Variants in VTI1A observed in about 807,000 individuals in gnomAD.
VTI1A encodes vesicle transport through interaction with t-SNAREs 1A.
Under a neutral mutation model 34.9 loss-of-function variants are expected in VTI1A, and 22 were observed. The observed-to-expected ratio is 0.63, with a 90% CI of 0.45 to 0.90. The LOEUF is 0.90. VTI1A is among the 40% of genes least tolerant of loss of function. The pLI is 0.00. For missense variants in VTI1A, 268 were observed against 275.6 expected (o/e 0.97, Z 0.20); for synonymous variants, 87 against 97.3 (o/e 0.89, Z 0.62).
intron 3 of VTI1A, among the ~76,000 whole-genome samples, chr10:112,490,134 G>T (rs1297756178): frequency 6.6e-6 from 1 of 151,998 alleles, no homozygotes; most frequent in Non-Finnish European, 1.5e-5. Flanking sequence ...AATGCCACTT[G>T]TTCCTGGAAA....
chr10:112,839,671 G>A, the VTI1A span, among the ~76,000 whole-genome samples: 1 of 152,128 alleles, frequency 6.6e-6, no homozygotes, highest in South Asian at 2.1e-4. Flanking sequence ...CTGCTGGTGG[G>A]CAGCCCAGGA....
chr10:112,638,056 T>TA (rs1332092755), intron 5 of VTI1A, among the ~76,000 whole-genome samples: 7 of 152,260 alleles, frequency 4.6e-5, no homozygotes, highest in Non-Finnish European at 1.0e-4. Flanking sequence ...CCTTCATTGT[T>TA]AAAATCAGAA....
At chr10:112,587,948 G>A (rs773068285) in intron 5 of VTI1A, among the ~76,000 whole-genome samples, 55 of 151,230 alleles carry the variant, frequency 3.6e-4, no homozygotes, top group Non-Finnish European at 6.9e-4. Flanking sequence ...ATGCTTTGTT[G>A]GTTTTAGTAA....
intron 7 of VTI1A, among the ~76,000 whole-genome samples, chr10:112,727,979 C>T (rs1048136428): frequency 2.0e-5 from 3 of 152,150 alleles, no homozygotes; most frequent in African/African-American, 7.2e-5. Context: ...CTCACAGCCC[C>T]TCTTCACCAC....
At chr10:112,453,954 A>T (rs1055370397) in intron 1 of VTI1A, among the ~76,000 whole-genome samples, 1 of 152,210 alleles carries the variant, frequency 6.6e-6, no homozygotes, top group Admixed American at 6.5e-5. Context: ...ATATGTAATC[A>T]TTTGTATATA....
chr10:112,604,740 A>G (rs1387628543), intron 5 of VTI1A, among the ~76,000 whole-genome samples: 1 of 152,228 alleles, frequency 6.6e-6, no homozygotes, highest in African/African-American at 2.4e-5. Context: ...GAAGAGATAT[A>G]AAACATTACA....
intron 6 of VTI1A, 49 bp downstream of exon 6, chr10:112,668,337 TAAATG>T: frequency 2.5e-6 from 4 of 1,575,050 alleles, no homozygotes; most frequent in Non-Finnish European, 3.5e-6. Flanking sequence ...AATGAAGACA[TAAATG>T]AAAGGCATTG....
At chr10:112,582,219 CT>C (rs1324331981) in intron 5 of VTI1A, among the ~76,000 whole-genome samples, 1 of 152,148 alleles carries the variant, frequency 6.6e-6, no homozygotes, top group Non-Finnish European at 1.5e-5. Flanking sequence ...GAAGGACACT[CT>C]CTCCTGTCTC....
intron 5 of VTI1A, among the ~76,000 whole-genome samples, chr10:112,561,249 G>A (rs1191578186): frequency 1.3e-5 from 2 of 152,072 alleles, no homozygotes; most frequent in Non-Finnish European, 1.5e-5. Flanking sequence ...TTTGCTGCAT[G>A]CTTTAGTTAT....
rs115748620 is a variant in VTI1A at position 112,560,355 on chromosome 10, C to T, written c.427+22025C>T. 5.7e-3 allele frequency among the ~76,000 whole-genome samples: 861 copies of T among 152,170 alleles called. 11 individuals carry two copies. Among genetic ancestry groups the T allele is most frequent in the African/African-American group, 0.02 (811 of 41,506 alleles). On this transcript the variant is annotated intron_variant, in intron 5 of 7. Coordinates refer to ENST00000393077, the MANE Select transcript of VTI1A (RefSeq NM_145206.4). ...TGAAAGGAACTTGGCTAAGCTCCTT[C>T]TCATGGTTTAGGTTTCTAGTTTAAT... is the stretch of plus-strand genomic sequence containing the variant.
chr10:112,679,523 A>G (rs1848146145), intron 7 of VTI1A, among the ~76,000 whole-genome samples: 1 of 151,948 alleles, frequency 6.6e-6, no homozygotes, highest in African/African-American at 2.4e-5. Flanking sequence ...GTGTTCTTTT[A>G]AAAAGGCTAA....
intron 7 of VTI1A, among the ~76,000 whole-genome samples, chr10:112,702,045 T>TG (rs766277115): frequency 6.6e-6 from 1 of 152,166 alleles, no homozygotes; most frequent in Non-Finnish European, 1.5e-5. Flanking sequence ...ACGAAGTCCA[T>TG]GAGTCAGGAC....
At chr10:112,797,489 G>A (rs1396368839) in intron 7 of VTI1A, among the ~76,000 whole-genome samples, 1 of 152,154 alleles carries the variant, frequency 6.6e-6, no homozygotes, top group Non-Finnish European at 1.5e-5. Flanking sequence ...GAGCCCAGGG[G>A]CCCCGAGTCC....
intron 5 of VTI1A, among the ~76,000 whole-genome samples, chr10:112,564,703 A>T (rs2134342848): frequency 6.6e-6 from 1 of 152,204 alleles, no homozygotes; most frequent in South Asian, 2.1e-4. Context: ...AGAAAAGTTG[A>T]GAGTATATAA....
At chr10:112,620,144 C>T (rs1472226093) in intron 5 of VTI1A, among the ~76,000 whole-genome samples, 1 of 152,170 alleles carries the variant, frequency 6.6e-6, no homozygotes, top group Non-Finnish European at 1.5e-5. Flanking sequence ...GTTCCTTTCA[C>T]TTAATTATTA....
intron 5 of VTI1A, among the ~76,000 whole-genome samples, chr10:112,624,981 C>G (rs1354291670): frequency 1.3e-5 from 2 of 152,072 alleles, no homozygotes; most frequent in African/African-American, 2.4e-5. Flanking sequence ...ACCTATAGTC[C>G]TAGCTACTCA....
At chr10:112,766,938 T>C (rs1296711669) in intron 7 of VTI1A, among the ~76,000 whole-genome samples, 1 of 152,250 alleles carries the variant, frequency 6.6e-6, no homozygotes, top group Non-Finnish European at 1.5e-5. Flanking sequence ...GTGCCAATTG[T>C]GGTTTAGTGA....
chr10:112,712,319 C>T (rs1849446223), intron 7 of VTI1A, among the ~76,000 whole-genome samples: 1 of 152,086 alleles, frequency 6.6e-6, no homozygotes, highest in South Asian at 2.1e-4. Context: ...CATGTATTTT[C>T]AGTAAAAGCT....
At chr10:112,710,922 T>C (rs1849390115) in intron 7 of VTI1A, among the ~76,000 whole-genome samples, 1 of 152,236 alleles carries the variant, frequency 6.6e-6, no homozygotes, top group African/African-American at 2.4e-5. Context: ...TCTGCATTTC[T>C]GTACAGGTTA....
Sources: gnomAD v4.1 joint callset for allele counts (sites outside exome capture counted in the v4.1 genomes callset) on GRCh38, gnomAD v4.1.1 for gene constraint, MANE v1.5 for transcripts, NCBI Gene and HGNC (gene_info 2026-07-23, HGNC 2026-07-21) for gene names.